The following CORO2B variants were observed in gnomAD, a reference collection of about 807,000 sequenced individuals.
CORO2B encodes the protein coronin 2B, also known as coronin-2B.
A neutral mutation model predicts 58.8 loss-of-function variants in CORO2B; 26 were observed. The ratio of observed to expected loss-of-function variants is 0.44; its 90% CI spans 0.32 to 0.61. The LOEUF (loss-of-function observed/expected upper bound fraction) is 0.61, where lower values mean the gene tolerates loss of function less well. CORO2B is among the 20% of genes least tolerant of loss of function. The pLI is 0.04. For missense variants in CORO2B, 460 were observed against 645.1 expected (o/e 0.71, Z 3.11); for synonymous variants, 242 against 253.8 (o/e 0.95, Z 0.44).
At chr15:68,610,976 A>G (rs1307433296) in intron 1 of CORO2B, among the ~76,000 whole-genome samples, 3 of 152,192 alleles carry the variant, frequency 2.0e-5, no homozygotes, top group African/African-American at 7.2e-5. Context: ...TGAAAGAAGT[A>G]CTCTGTACAA....
intron 1 of CORO2B, among the ~76,000 whole-genome samples, chr15:68,595,131 C>T (rs1358661466): frequency 2.0e-5 from 3 of 152,226 alleles, no homozygotes; most frequent in South Asian, 2.1e-4. Context: ...CTGCAGCATT[C>T]GAGGCCAGAG....
the CORO2B span, among the ~76,000 whole-genome samples, chr15:68,572,628 GAATC>G: frequency 6.6e-6 from 1 of 152,140 alleles, no homozygotes; most frequent in African/African-American, 2.4e-5. Flanking sequence ...CCAGGTTTCT[GAATC>G]AATCTGCCTG....
At chr15:68,686,449 A>G (rs1902981643) in intron 2 of CORO2B, among the ~76,000 whole-genome samples, 1 of 152,192 alleles carries the variant, frequency 6.6e-6, no homozygotes, top group Non-Finnish European at 1.5e-5. Context: ...CCAAGTGCAG[A>G]TGATAGCTCC....
intron 1 of CORO2B, among the ~76,000 whole-genome samples, chr15:68,620,128 T>C (rs1445554521): frequency 6.6e-6 from 1 of 152,162 alleles, no homozygotes; most frequent in Non-Finnish European, 1.5e-5. Context: ...GCCAGGCTGG[T>C]CTCGAACTCT....
At chr15:68,551,710 T>G in the CORO2B span, among the ~76,000 whole-genome samples, 10 of 152,194 alleles carry the variant, frequency 6.6e-5, no homozygotes, top group Admixed American at 6.5e-4. Flanking sequence ...TTCTATCCTT[T>G]AGACTAAGGT....
At chr15:68,602,595 G>A (rs1456162804) in intron 1 of CORO2B, among the ~76,000 whole-genome samples, 3 of 152,158 alleles carry the variant, frequency 2.0e-5, no homozygotes, top group African/African-American at 4.8e-5. Context: ...TAACCTCCAC[G>A]GTTCCCAGGG....
At chr15:68,721,957 T>C (rs1893172095) in intron 11 of CORO2B, among the ~76,000 whole-genome samples, 1 of 152,172 alleles carries the variant, frequency 6.6e-6, no homozygotes, top group Non-Finnish European at 1.5e-5. Flanking sequence ...CTTACTATAT[T>C]GCACAGGCTG....
chr15:68,685,229 G>A (rs1416058236), intron 2 of CORO2B, among the ~76,000 whole-genome samples: 3 of 152,058 alleles, frequency 2.0e-5, no homozygotes, highest in East Asian at 1.9e-4. Context: ...ATTTTGTTTC[G>A]GGAGACAGTC....
chr15:68,524,945 G>C, the CORO2B span, among the ~76,000 whole-genome samples: 2 of 152,196 alleles, frequency 1.3e-5, no homozygotes, highest in Admixed American at 1.3e-4. Flanking sequence ...AAAAGGAACA[G>C]AGAATAATAA....
intron 1 of CORO2B, among the ~76,000 whole-genome samples, chr15:68,595,095 G>A (rs1899793959): frequency 6.6e-6 from 1 of 152,202 alleles, no homozygotes; most frequent in South Asian, 2.1e-4. Context: ...GATTTAGGAA[G>A]CATTGTACCA....
chr15:68,563,920 A>G, the CORO2B span, among the ~76,000 whole-genome samples: 3 of 152,232 alleles, frequency 2.0e-5, no homozygotes, highest in East Asian at 5.8e-4. Flanking sequence ...TCACTGGTGA[A>G]TTCTACCAAA....
chr15:68,696,713 C>A (rs1902889440), intron 3 of CORO2B, among the ~76,000 whole-genome samples: 1 of 152,188 alleles, frequency 6.6e-6, no homozygotes, highest in Admixed American at 6.5e-5. Context: ...GTGTTCCACA[C>A]TGTCCCTGAG....
At chr15:68,678,360 GC>G (rs919874120) in intron 2 of CORO2B, among the ~76,000 whole-genome samples, 2 of 152,130 alleles carry the variant, frequency 1.3e-5, no homozygotes, top group African/African-American at 2.4e-5. Flanking sequence ...CCAGAAGGGT[GC>G]CCCAGGCCTG....
In CORO2B at chr15:68,645,498, C is replaced by A. The variant is rs1433928548; in HGVS notation, c.216+138C>A. 2 of 786,226 alleles carry A rather than the reference C, an allele frequency of 2.5e-6. No homozygotes were observed. The highest frequency in any genetic ancestry group is 2.0e-6 in the Non-Finnish European group (1 of 504,886). The allele number at this position is 786,226 out of a possible 1,614,324, so 48.7% of individuals were successfully genotyped here. Reference sequence around the variant, plus strand: ...CCTCATCAAGCATCTAGTGGCTATGCCTTCTTTAGGGTTTTCCTGAGATTC... The same window carrying A: ...CCTCATCAAGCATCTAGTGGCTATGACTTCTTTAGGGTTTTCCTGAGATTC... On this transcript the variant is annotated intron_variant, in intron 2 of 11. Transcript: ENST00000261861. The surrounding 1 kb of genome is among the most constrained non-coding windows in gnomAD (Gnocchi z 4.5).
intron 1 of CORO2B, among the ~76,000 whole-genome samples, chr15:68,644,592 T>C (rs77666151): frequency 0.011 from 1,617 of 152,292 alleles, 35 homozygotes; most frequent in African/African-American, 0.036. Flanking sequence ...GATGATAATA[T>C]CCAGGACTCA....
intron 1 of CORO2B, among the ~76,000 whole-genome samples, chr15:68,605,504 C>T (rs930341410): frequency 6.6e-6 from 1 of 152,028 alleles, no homozygotes; most frequent in Non-Finnish European, 1.5e-5. Context: ...ATTCTGCAGC[C>T]GTTAAAAATT....
At chr15:68,717,820 C>G (rs749730076) in intron 8 of CORO2B, among the ~76,000 whole-genome samples, 12 of 152,178 alleles carry the variant, frequency 7.9e-5, no homozygotes, top group Non-Finnish European at 1.6e-4. Context: ...AGAGGCAGAG[C>G]CTTAACTCAT....
At chr15:68,683,803 G>T (rs1354738577) in intron 2 of CORO2B, among the ~76,000 whole-genome samples, 1 of 152,198 alleles carries the variant, frequency 6.6e-6, no homozygotes, top group Non-Finnish European at 1.5e-5. Flanking sequence ...TCACAGCCTG[G>T]TGGCAGGGAT....
intron 2 of CORO2B, among the ~76,000 whole-genome samples, chr15:68,672,994 G>A (rs1467751763): frequency 6.6e-6 from 1 of 152,214 alleles, no homozygotes; most frequent in African/African-American, 2.4e-5. Flanking sequence ...GCAGGTGGAT[G>A]TGAGGACATA....
Sources: gnomAD v4.1 joint callset for allele counts (sites outside exome capture counted in the v4.1 genomes callset) on GRCh38, gnomAD v4.1.1 for gene constraint, Gnocchi (gnomAD v3.1) non-coding constraint, MANE v1.5 for transcripts, NCBI Gene and HGNC (gene_info 2026-07-23, HGNC 2026-07-21) for gene names.